SPG21: variants seen among roughly 807,000 people sequenced by gnomAD.
SPG21 encodes maspardin.
SPG21 carries 26 observed loss-of-function variants against 38.9 expected under a neutral mutation model. The ratio of observed to expected loss-of-function variants is 0.67; its 90% confidence interval spans 0.49 to 0.93. The LOEUF (loss-of-function observed/expected upper bound fraction) is 0.93. SPG21 is among the 40% of genes least tolerant of loss of function. The pLI, the probability that SPG21 is intolerant of heterozygous loss-of-function variation, is 0.00. For synonymous variants in SPG21, 136 were observed against 128.9 expected (o/e 1.05, Z -0.37); for missense variants, 333 against 376.5 (o/e 0.88, Z 0.96).
Position 64,969,322 on chromosome 15 carries a change from G to T in SPG21, c.602C>A (p.Thr201Asn). 6.2e-7 allele frequency: 1 copy of T among 1,614,074 alleles called. No individual in the cohort carries two copies. The highest frequency in any genetic ancestry group is 8.5e-7 in the Non-Finnish European group (1 of 1,179,962). The change falls in exon 7 of 9, where the codon ACC (threonine) becomes AAC (asparagine). Residue 201 changes from threonine (T) to asparagine (N), a missense_variant. Thr to Asn is a moderately conservative substitution (Grantham distance 65). Transcript: ENST00000204566. ...CACATAAGAATTTTGACAATTCAAG[G>T]TAAGTCTTGAAGCCAGTTCACTCTG... ...LGQSELASRL[T>N]LNCQNSYVEP... is the part of the protein sequence containing the mutation.
In SPG21 at chr15:64,979,886, T is replaced by C. The variant is rs1013870996; in HGVS notation, c.225+978A>G. Among the ~76,000 whole-genome samples the C allele has an allele frequency of 6.3e-5, 9 of 143,342 alleles. No homozygotes were observed. The Admixed American group carries it at 6.4e-4, about 10-fold the overall frequency. 94.0% of individuals were successfully genotyped at this position (143,342 alleles called of 152,430 possible). ...AAAAAAAATCAGTCACCAGGAAGAG[T>C]GCCTTTCCCACACACCTTTCTCCCA... On this transcript the variant is annotated intron_variant, in intron 3 of 8. Transcript: ENST00000204566.
At chr15:64,965,278 ATG>A in intron 8 of SPG21, 40 bp downstream of exon 8, 1 of 1,614,050 alleles carries the variant, frequency 6.2e-7, no homozygotes, top group African/African-American at 1.3e-5. Context: ...TTGCAAACAT[ATG>A]TTGGGCTCAG....
chr15:64,987,824 C>T (rs2086025454), intron 1 of SPG21, among the ~76,000 whole-genome samples: 1 of 152,112 alleles, frequency 6.6e-6, no homozygotes, highest in South Asian at 2.1e-4. Flanking sequence ...CACCTGAGGT[C>T]AGGAGTTCGA....
chr15:64,979,845 CAAAAA>C (rs71136305), intron 3 of SPG21, among the ~76,000 whole-genome samples: 37,242 of 88,798 alleles, frequency 0.42, 5,631 homozygotes, highest in South Asian at 0.55. Context: ...TGGAAGCATG[CAAAAA>C]AAAAAAAAAA....
chr15:64,966,702 A>C (rs180783305), intron 7 of SPG21, among the ~76,000 whole-genome samples: 5 of 152,268 alleles, frequency 3.3e-5, no homozygotes, highest in African/African-American at 1.2e-4. Flanking sequence ...GATCGAGACC[A>C]TCCTGGCTAA....
intron 1 of SPG21, among the ~76,000 whole-genome samples, chr15:64,985,616 C>A (rs745978725): frequency 1.3e-5 from 2 of 152,208 alleles, no homozygotes; most frequent in Non-Finnish European, 2.9e-5. Flanking sequence ...CAAGAGCAAG[C>A]CTTGATCCTA....
chr15:64,966,824 AGGAGGC>A (rs986628919), intron 7 of SPG21, among the ~76,000 whole-genome samples: 6 of 152,138 alleles, frequency 3.9e-5, no homozygotes, highest in Non-Finnish European at 8.8e-5. Flanking sequence ...GCGTCAACCC[AGGAGGC>A]GGAGCTTGCA....
chr15:64,988,016 G>A (rs2086030433), intron 1 of SPG21, among the ~76,000 whole-genome samples: 2 of 150,598 alleles, frequency 1.3e-5, no homozygotes, highest in South Asian at 2.1e-4. Flanking sequence ...CCTGGGCAAC[G>A]AGAGCGAAAC....
chr15:64,963,950 T>A (rs1368472183), intron 8 of SPG21, among the ~76,000 whole-genome samples: 1 of 151,998 alleles, frequency 6.6e-6, no homozygotes, highest in Non-Finnish European at 1.5e-5. Context: ...AGAGACAGGG[T>A]TTCACCATGT....
chr15:64,964,653 C>T (rs928418918), intron 8 of SPG21, among the ~76,000 whole-genome samples: 89 of 151,654 alleles, frequency 5.9e-4, no homozygotes, highest in Admixed American at 3.0e-3. Flanking sequence ...TTTTTTGAGA[C>T]GGAGTCTTGT....
At position 64,980,954 on chromosome 15, in the gene SPG21, A is replaced by C. The variant is rs1428483829; in HGVS notation, c.135T>G (p.Pro45=). 1 of 1,614,136 alleles carries C rather than the reference A, an allele frequency of 6.2e-7. No individual in the cohort carries two copies. Among genetic ancestry groups the C allele is most frequent in the Admixed American group, 1.7e-5 (1 of 60,012 alleles). Residue 45 remains proline, a synonymous_variant, in exon 3 of 9, where the codon CCT becomes CCG. Transcript: ENST00000204566. ...CACTGACAGGGGGCAGGAATATGAG[A>C]GGACACCTGATACTTCGGGGGCCCG... ...YDAGPRSIRC[P]LIFLPPVSGT...
Position 64,974,706 on chromosome 15 carries a change from C to G in SPG21, c.348G>C (p.Gln116His). ...ATTTGTGAGTGTATTCAGCAAATTTCTGGGCCAAAAAGCCTCCCAAAGAAG... is the reference window on the plus strand; with the variant it reads ...ATTTGTGAGTGTATTCAGCAAATTTGTGGGCCAAAAAGCCTCCCAAAGAAG... ...FGASLGGFLA[Q>H]KFAEYTHKSP... The change falls in exon 5 of 9, where the codon CAG becomes CAC. Residue 116 changes from glutamine (Q) to histidine (H), a missense_variant. Gln to His is a conservative substitution (Grantham distance 24, BLOSUM62 0). Transcript: ENST00000204566. 6.2e-7 allele frequency: 1 copy of G among 1,614,112 alleles called. No individual in the cohort carries two copies. Among genetic ancestry groups the G allele is most frequent in the Non-Finnish European group, 8.5e-7 (1 of 1,180,020 alleles).
intron 3 of SPG21, among the ~76,000 whole-genome samples, chr15:64,980,554 C>G (rs11858985): frequency 6.6e-6 from 1 of 151,598 alleles, no homozygotes. Flanking sequence ...CTGGCCAACA[C>G]GGCGAAACCC....
In SPG21 at chr15:64,963,280, G is replaced by GA; in HGVS notation, c.*339dup. On this transcript the variant is annotated 3_prime_UTR_variant, in exon 9 of 9. Transcript: ENST00000204566. ...GAAAGAAGAATGGAAAAGAAAAGAA[G>GA]AAAAAAACCACCACAAAGTCCCAAA... 8.7e-6 allele frequency: 2 copies of GA among 229,004 alleles called. No individual in the cohort carries two copies. Among genetic ancestry groups the GA allele is most frequent in the Non-Finnish European group, 1.7e-5 (2 of 116,038 alleles). The allele number at this position is 229,004 out of a possible 1,614,324, so 14.2% of individuals were successfully genotyped here.
Position 64,970,159 on chromosome 15 carries a change from C to T in SPG21, c.516G>A (p.Pro172=), listed in dbSNP as rs774744618. The T allele has an allele frequency of 3.7e-5, 59 of 1,613,984 alleles. No individual in the cohort carries two copies. The highest frequency in any genetic ancestry group is 3.1e-4 in the South Asian group (28 of 91,080). Residue 172 remains proline (P), a synonymous_variant, in exon 6 of 9, where the codon CCG becomes CCA. Coordinates refer to ENST00000204566, the MANE Select transcript of SPG21 (RefSeq NM_016630.7). The part of the protein sequence containing the change: ...KIVLGNFSSG[P]VDPMMADAID... ...TGGCATCAGCCATCATAGGGTCCAC[C>T]GGGCCAGATGAAAAATTTCCAAGAA...
chr15:64,967,088 A>T (rs1007597591), intron 7 of SPG21, among the ~76,000 whole-genome samples: 1 of 152,042 alleles, frequency 6.6e-6, no homozygotes, highest in African/African-American at 2.4e-5. Context: ...ATATAGAGAA[A>T]CTGGAATCTT....
chr15:64,969,193 G>C (rs2085609669), intron 7 of SPG21, 62 bp downstream of exon 7: 8 of 1,143,492 alleles, frequency 7.0e-6, no homozygotes, highest in Middle Eastern at 2.0e-4. Flanking sequence ...TAGTTTTATA[G>C]GAGATCTTGA....
At chr15:64,986,401 T>C (rs1410984542) in intron 1 of SPG21, among the ~76,000 whole-genome samples, 1 of 147,392 alleles carries the variant, frequency 6.8e-6, no homozygotes, top group Non-Finnish European at 1.5e-5. Flanking sequence ...TGTTAAAAAA[T>C]TTTGCCAGGC....
At chr15:64,989,202 A>T (rs2086064701) in intron 1 of SPG21, 1 of 152,050 alleles carries the variant, frequency 6.6e-6, no homozygotes, top group Non-Finnish European at 1.5e-5. Flanking sequence ...AACAACAAAG[A>T]CATCTATCAC....
Sources: allele counts gnomAD v4.1 joint callset (sites outside exome capture counted in the v4.1 genomes callset), GRCh38; gene constraint gnomAD v4.1.1; transcripts MANE v1.5; gene names NCBI Gene and HGNC (gene_info 2026-07-23, HGNC 2026-07-21).